The following AFF3 variants were observed in gnomAD, a reference collection of about 807,000 sequenced individuals.
AFF3 encodes AF4/FMR2 family member 3.
Under a neutral mutation model 129.7 loss-of-function variants are expected in AFF3, and 32 were observed. The observed-to-expected ratio is 0.25, with a 90% CI of 0.19 to 0.33. The LOEUF (loss-of-function observed/expected upper bound fraction) is 0.33, where lower values mean the gene tolerates loss of function less well. Ranked by LOEUF, AFF3 falls within the 10% of genes least tolerant of loss-of-function variation. The pLI, the probability that AFF3 is intolerant of heterozygous loss-of-function variation, is 1.00. For missense variants in AFF3, 1,373 were observed against 1,592.0 expected, an observed-to-expected ratio of 0.86 and a Z score of 2.34; for synonymous variants, 644 against 635.4, an observed-to-expected ratio of 1.01 and a Z score of -0.20.
At chr2:99,778,951 G>T (rs1684177894) in intron 8 of AFF3, among the ~76,000 whole-genome samples, 1 of 149,216 alleles carries the variant, frequency 6.7e-6, no homozygotes. Context: ...GGCTCTTTAG[G>T]GTTTTCTATA....
chr2:100,101,471 GGAA>G (rs1190473263), intron 4 of AFF3, among the ~76,000 whole-genome samples: 1 of 146,866 alleles, frequency 6.8e-6, no homozygotes, highest in East Asian at 2.0e-4. Flanking sequence ...ATCAATCAAA[GGAA>G]GAAGTTTTCA....
chr2:100,014,802 T>C (rs993544314), intron 4 of AFF3, among the ~76,000 whole-genome samples: 11 of 145,694 alleles, frequency 7.6e-5, no homozygotes, highest in Non-Finnish European at 1.6e-4. Flanking sequence ...TTTTTTTTTT[T>C]AGACGGAGTC....
intron 11 of AFF3, among the ~76,000 whole-genome samples, chr2:99,688,609 C>A (rs968078990): frequency 1.3e-5 from 2 of 152,092 alleles, no homozygotes; most frequent in Non-Finnish European, 2.9e-5. Flanking sequence ...ATTCTCGAGG[C>A]GCTCTTTCTT....
At chr2:99,773,075 A>G (rs1227570330) in intron 8 of AFF3, among the ~76,000 whole-genome samples, 3 of 152,158 alleles carry the variant, frequency 2.0e-5, no homozygotes, top group Non-Finnish European at 4.4e-5. Context: ...TCACTTCCCC[A>G]TCCACATCCT....
At chr2:99,632,185 T>C (rs1296348168) in intron 13 of AFF3, among the ~76,000 whole-genome samples, 1 of 151,834 alleles carries the variant, frequency 6.6e-6, no homozygotes, top group Non-Finnish European at 1.5e-5. Flanking sequence ...CAGGCTAATT[T>C]CTGTATTTTT....
At chr2:99,905,602 G>T (rs888970619) in intron 7 of AFF3, among the ~76,000 whole-genome samples, 1 of 152,222 alleles carries the variant, frequency 6.6e-6, no homozygotes, top group East Asian at 1.9e-4. Flanking sequence ...GCATTTCTGC[G>T]TATTGGCACA....
intron 10 of AFF3, among the ~76,000 whole-genome samples, chr2:99,736,002 T>C (rs540326954): frequency 5.4e-4 from 82 of 152,330 alleles, no homozygotes; most frequent in Non-Finnish European, 1.0e-3. Context: ...TTGGAGACCA[T>C]GGTAAATATA....
chr2:99,553,498 TA>T (rs1674598731), intron 24 of AFF3, among the ~76,000 whole-genome samples: 2 of 152,256 alleles, frequency 1.3e-5, no homozygotes, highest in South Asian at 4.1e-4. Context: ...AATAGTAAAT[TA>T]GTATAATCTT....
intron 13 of AFF3, among the ~76,000 whole-genome samples, chr2:99,637,696 A>C (rs1683794371): frequency 6.6e-6 from 1 of 152,210 alleles, no homozygotes; most frequent in South Asian, 2.1e-4. Context: ...TCTACTTCAG[A>C]AATAGATATT....
chr2:99,666,985 G>C (rs1165356932), intron 12 of AFF3, among the ~76,000 whole-genome samples: 1 of 152,162 alleles, frequency 6.6e-6, no homozygotes, highest in African/African-American at 2.4e-5. Context: ...CTCAACATTA[G>C]ATAGAGCAAT....
rs1474026203 is a variant in AFF3 at position 99,988,342 on chromosome 2, A to G, written c.873+18290T>C. Among the ~76,000 whole-genome samples, 2 of 152,226 alleles carry G rather than the reference A, an allele frequency of 1.3e-5. 1 individual carries two copies. Among genetic ancestry groups the G allele is most frequent in the East Asian group, 3.8e-4 (2 of 5,200 alleles). ...GTATGGAGAAATTCACGCTAAAAGC[A>G]TGGAGGCCTGCAAAGTGCACAGCAT... On this transcript the variant is annotated intron_variant, in intron 7 of 24. Transcript: ENST00000672756.
intron 12 of AFF3, among the ~76,000 whole-genome samples, chr2:99,672,193 C>G (rs1395021881): frequency 3.6e-5 from 1 of 27,694 alleles, no homozygotes; most frequent in Non-Finnish European, 5.9e-5. Context: ...CACACACACA[C>G]ACACACACAC....
chr2:100,057,237 C>T (rs1333690992), intron 4 of AFF3, among the ~76,000 whole-genome samples: 2 of 147,078 alleles, frequency 1.4e-5, no homozygotes, highest in African/African-American at 2.5e-5. Flanking sequence ...AGGAGAATCA[C>T]TGGAACTCGG....
intron 7 of AFF3, among the ~76,000 whole-genome samples, chr2:100,004,859 A>G (rs756141004): frequency 4.9e-4 from 69 of 139,772 alleles, no homozygotes; most frequent in Non-Finnish European, 2.2e-4. Flanking sequence ...CCCCCTTCAC[A>G]AAAAAAAAAA....
intron 7 of AFF3, among the ~76,000 whole-genome samples, chr2:100,003,112 G>T (rs551474040): frequency 6.6e-6 from 1 of 150,776 alleles, no homozygotes; most frequent in African/African-American, 2.4e-5. Flanking sequence ...TGGGGGTCGG[G>T]GGGGTGGGGG....
chr2:99,556,551 G>A (rs1157117748), intron 22 of AFF3, among the ~76,000 whole-genome samples: 3 of 152,110 alleles, frequency 2.0e-5, no homozygotes, highest in Admixed American at 6.6e-5. Flanking sequence ...AGATAGCTCT[G>A]TACTGATAAA....
chr2:99,907,717 C>A (rs1303085516), intron 7 of AFF3, among the ~76,000 whole-genome samples: 1 of 152,078 alleles, frequency 6.6e-6, no homozygotes, highest in Non-Finnish European at 1.5e-5. Flanking sequence ...CAGCTTACTG[C>A]AACCTCCGCC....
chr2:99,601,598 C>T lies in AFF3; in HGVS notation c.1208G>A (p.Cys403Tyr). 1 of 1,597,438 alleles carries T rather than the reference C, an allele frequency of 6.3e-7. No individual in the cohort carries two copies. The highest frequency in any genetic ancestry group is 8.5e-7 in the Non-Finnish European group (1 of 1,176,724). Residue 403 changes from cysteine (C) to tyrosine (Y), a missense_variant, in exon 14 of 25, where the codon TGC becomes TAC. This residue lies in a region of AFF3 where 413 missense variants were observed against 424.4 expected (regional missense o/e 0.97). Transcript: ENST00000672756. ...CTTGCTGGAAGGCACCGAGGTTCTGCAGTTGGGCTGCTGGACCACGGCGCT... is the reference window on the plus strand; with the variant it reads ...CTTGCTGGAAGGCACCGAGGTTCTGTAGTTGGGCTGCTGGACCACGGCGCT... The part of the protein sequence containing the change: ...SDSAVVQQPN[C>Y]RTSVPSSKGS...
intron 7 of AFF3, among the ~76,000 whole-genome samples, chr2:99,945,160 G>A (rs1227560520): frequency 6.6e-6 from 1 of 152,200 alleles, no homozygotes; most frequent in Non-Finnish European, 1.5e-5. Context: ...GAGCACACAG[G>A]AACCGGCAAT....
Sources: allele counts gnomAD v4.1 joint callset (sites outside exome capture counted in the v4.1 genomes callset), GRCh38; gene constraint gnomAD v4.1.1; regional missense constraint gnomAD v4.1.1; transcripts MANE v1.5; gene names NCBI Gene and HGNC (gene_info 2026-07-23, HGNC 2026-07-21).